The following TUT4 variants were observed in gnomAD, a reference collection of about 807,000 sequenced individuals.
TUT4 encodes terminal uridylyltransferase 4.
Under a neutral mutation model 192.2 loss-of-function variants are expected in TUT4, and 36 were observed. The observed-to-expected ratio is 0.19, with a 90% CI of 0.14 to 0.25. TUT4 has a LOEUF of 0.25. Ranked by LOEUF, TUT4 falls within the 10% of genes least tolerant of loss-of-function variation. TUT4 has a pLI of 1.00. For synonymous variants in TUT4, 618 were observed against 666.0 expected (o/e 0.93, Z 1.11); for missense variants, 1,493 against 1,957.2 (o/e 0.76, Z 4.47).
At chr1:52,461,796 T>C in intron 16 of TUT4, 27 bp from the exon 17 acceptor site, 1 of 1,243,004 alleles carries the variant, frequency 8.0e-7, no homozygotes, top group Non-Finnish European at 1.1e-6. Flanking sequence ...ATAAATAAGT[T>C]TGACTCAATT....
intron 27 of TUT4, chr1:52,433,399 T>A (rs888694832): frequency 1.3e-5 from 2 of 152,064 alleles, no homozygotes; most frequent in African/African-American, 4.8e-5. Context: ...CAGGACTTAG[T>A]GACTGAACAT....
At chr1:52,477,526 C>A (rs1389101502) in intron 12 of TUT4, among the ~76,000 whole-genome samples, 182 bp downstream of exon 12, 1 of 152,180 alleles carries the variant, frequency 6.6e-6, no homozygotes, top group Non-Finnish European at 1.5e-5. Context: ...ATGATCCTAT[C>A]ACTGCACTTC....
chr1:52,521,695 G>C (rs1680323843), intron 2 of TUT4, among the ~76,000 whole-genome samples: 1 of 151,832 alleles, frequency 6.6e-6, no homozygotes, highest in Admixed American at 6.6e-5. Flanking sequence ...GCTGGACACA[G>C]TGGCTCACGC....
chr1:52,539,447 G>A (rs971053689), intron 1 of TUT4, among the ~76,000 whole-genome samples: 2 of 152,134 alleles, frequency 1.3e-5, no homozygotes, highest in East Asian at 1.9e-4. Flanking sequence ...ACAAGAGAAC[G>A]AAGAATAGAC....
At chr1:52,529,610 TA>T (rs1480740943) in intron 1 of TUT4, among the ~76,000 whole-genome samples, 1 of 152,166 alleles carries the variant, frequency 6.6e-6, no homozygotes, top group Non-Finnish European at 1.5e-5. Flanking sequence ...ACAAAAGCCA[TA>T]AAACAACAAA....
At chr1:52,482,829 T>A (rs530445760) in intron 9 of TUT4, among the ~76,000 whole-genome samples, 11 of 152,280 alleles carry the variant, frequency 7.2e-5, no homozygotes, top group African/African-American at 2.4e-4. Context: ...TTGTTCCCAG[T>A]TTTTGCCACT....
chr1:52,533,002 C>T (rs1683909868), intron 1 of TUT4, among the ~76,000 whole-genome samples: 1 of 152,158 alleles, frequency 6.6e-6, no homozygotes, highest in Non-Finnish European at 1.5e-5. Flanking sequence ...ACCAGTGAGT[C>T]CCAAACTTTT....
intron 24 of TUT4, among the ~76,000 whole-genome samples, chr1:52,444,873 T>C (rs1048607839): frequency 6.6e-6 from 1 of 150,882 alleles, no homozygotes; most frequent in Admixed American, 6.7e-5. Flanking sequence ...TGTAAATTAA[T>C]ACTTAATAAA....
At chr1:52,538,564 T>C (rs1685592220) in intron 1 of TUT4, 1 of 149,256 alleles carries the variant, frequency 6.7e-6, no homozygotes, top group Non-Finnish European at 1.5e-5. Context: ...GGAGGATCAC[T>C]TGCACTTGGG....
At chr1:52,539,896 G>A (rs1267918669) in intron 1 of TUT4, among the ~76,000 whole-genome samples, 2 of 146,018 alleles carry the variant, frequency 1.4e-5, no homozygotes, top group African/African-American at 5.3e-5. Context: ...ACAAGAGCAA[G>A]ACTCCGTCTT....
intron 1 of TUT4, among the ~76,000 whole-genome samples, chr1:52,551,238 C>T (rs1310869303): frequency 1.3e-5 from 2 of 152,144 alleles, no homozygotes; most frequent in African/African-American, 4.8e-5. Context: ...AATGAAAATA[C>T]TTTAAATTTC....
intron 1 of TUT4, among the ~76,000 whole-genome samples, chr1:52,532,002 C>T (rs1021383747): frequency 6.7e-6 from 1 of 150,214 alleles, no homozygotes; most frequent in Non-Finnish European, 1.5e-5. Flanking sequence ...AATCTCCTGC[C>T]TCAGCCTCCT....
chr1:52,478,718 G>A (rs1388978671), intron 11 of TUT4, among the ~76,000 whole-genome samples: 3 of 152,104 alleles, frequency 2.0e-5, no homozygotes, highest in Non-Finnish European at 4.4e-5. Context: ...TAACAGAAGA[G>A]GTAACACCTG....
intron 4 of TUT4, among the ~76,000 whole-genome samples, chr1:52,502,573 A>G (rs1571029106): frequency 7.2e-6 from 1 of 139,268 alleles, no homozygotes; most frequent in African/African-American, 2.8e-5. Context: ...ACAATCTACT[A>G]GTCTGTGTTT....
intron 15 of TUT4, among the ~76,000 whole-genome samples, chr1:52,467,724 T>C (rs780659435): frequency 6.6e-6 from 1 of 152,200 alleles, no homozygotes; most frequent in Non-Finnish European, 1.5e-5. Flanking sequence ...ACCTCTTCTA[T>C]ACATTACAAT....
At chr1:52,424,204 C>G (rs569831977) in intron 29 of TUT4, 2 of 546,748 alleles carry the variant, frequency 3.7e-6, no homozygotes, top group African/African-American at 1.9e-5. Context: ...GGAGAGGACA[C>G]GAAAGATGGA....
At chr1:52,444,454 G>A (rs1442401608) in intron 24 of TUT4, among the ~76,000 whole-genome samples, 1 of 151,980 alleles carries the variant, frequency 6.6e-6, no homozygotes, top group African/African-American at 2.4e-5. Context: ...TAAGACACCT[G>A]AAACTGGACT....
chr1:52,474,175 T>C (rs1666514621), intron 13 of TUT4, among the ~76,000 whole-genome samples: 1 of 152,178 alleles, frequency 6.6e-6, no homozygotes, highest in South Asian at 2.1e-4. Flanking sequence ...ACCACTGCAC[T>C]TCAGCCTGGG....
At chr1:52,456,717 A>C (rs986041802) in intron 20 of TUT4, among the ~76,000 whole-genome samples, 1 of 152,076 alleles carries the variant, frequency 6.6e-6, no homozygotes, top group Non-Finnish European at 1.5e-5. Flanking sequence ...AAAGTACAAA[A>C]ATTTTTAAGG....
Sources: gnomAD v4.1 joint callset for allele counts (sites outside exome capture counted in the v4.1 genomes callset) on GRCh38, gnomAD v4.1.1 for gene constraint, MANE v1.5 for transcripts, NCBI Gene and HGNC (gene_info 2026-07-23, HGNC 2026-07-21) for gene names.